Variants in OR52N1 observed in about 807,000 individuals in gnomAD.
OR52N1 encodes the protein olfactory receptor family 52 subfamily N member 1.
Under a neutral mutation model 13.9 loss-of-function variants are expected in OR52N1, and 11 were observed. The observed-to-expected ratio is 0.79, with a 90% CI of 0.50 to 1.31. OR52N1 has a LOEUF of 1.31. Among genes scored for constraint, OR52N1 ranks in the 40% most tolerant of loss-of-function variants. The pLI is 0.00. For missense variants in OR52N1, 414 were observed against 397.7 expected, an observed-to-expected ratio of 1.04 and a Z score of -0.35; for synonymous variants, 142 against 143.7, an observed-to-expected ratio of 0.99 and a Z score of 0.08.
chr11:5,787,753 A>C lies in OR52N1; in HGVS notation c.*101T>G. ...AGATGTAGAGTAATCCGAGTATCATAAAAATATTCCTGTGGCCAGATTTCT... is the reference window on the plus strand; with the variant it reads ...AGATGTAGAGTAATCCGAGTATCATCAAAATATTCCTGTGGCCAGATTTCT... On this transcript the variant is annotated 3_prime_UTR_variant, in exon 2 of 2. Coordinates refer to ENST00000641645, the MANE Select transcript of OR52N1 (RefSeq NM_001001913.2). 1 of 1,041,166 alleles carries C rather than the reference A, an allele frequency of 9.6e-7. No individual in the cohort carries two copies. Among genetic ancestry groups the C allele is most frequent in the Non-Finnish European group, 1.4e-6 (1 of 728,848 alleles). The allele number at this position is 1,041,166 out of a possible 1,614,324, so 64.5% of individuals were successfully genotyped here. A position where few individuals can be genotyped will look rare whatever the true frequency, so the allele number is the denominator to read the frequency against.
rs139204244 is a variant in OR52N1 at position 5,788,166 on chromosome 11, T to C, written c.651A>G (p.Thr217=). 788 of 1,613,912 alleles carry C rather than the reference T, an allele frequency of 4.9e-4. 4 individuals carry two copies. The African/African-American group carries it at 9.3e-3, about 19-fold the overall frequency. ...LIGGFDILCI[T]ISYTMILQAV... ...CTTGAAGAATCATAGTGTAGGAGAT[T>C]GTAATGCACAGGATATCAAAGCCCC... The change falls in exon 2 of 2, where the codon ACA becomes ACG. Residue 217 remains threonine (T), a synonymous_variant. Transcript: ENST00000641645.
Position 5,788,096 on chromosome 11 carries a change from T to A in OR52N1, c.721A>T (p.Ser241Cys). The change falls in exon 2 of 2, where the codon AGC becomes TGC. Residue 241 changes from serine (S) to cysteine (C), a missense_variant. Coordinates refer to ENST00000641645, the MANE Select transcript of OR52N1 (RefSeq NM_001001913.2). ...GCACAGAAGTGGGCAGTGCAGGTGC[T>A]GAAGGCCTTCTGTCGAGCATCTGCT... ...SSADARQKAFSTCTAHFCAIV... is the reference protein window; with the variant it reads ...SSADARQKAFCTCTAHFCAIV... 6.2e-7 allele frequency: 1 copy of A among 1,614,038 alleles called. No homozygotes were observed. The highest frequency in any genetic ancestry group is 8.5e-7 in the Non-Finnish European group (1 of 1,179,966).
At position 5,788,357 on chromosome 11, in the gene OR52N1, C is replaced by T. The variant is rs776042360; in HGVS notation, c.460G>A (p.Gly154Ser). 1 of 1,613,914 alleles carries T rather than the reference C, an allele frequency of 6.2e-7. No individual in the cohort carries two copies. Among genetic ancestry groups the T allele is most frequent in the South Asian group, 1.1e-5 (1 of 91,070 alleles). ...AKAGFLTFLR[G>S]VMLVIPSTFL... Reference sequence around the variant, plus strand: ...GTGGAAGGGATAACAAGCATCACACCCCTAAGAAAAGTGAGGAACCCAGCT... The same window carrying T: ...GTGGAAGGGATAACAAGCATCACACTCCTAAGAAAAGTGAGGAACCCAGCT... Residue 154 changes from glycine to serine, a missense_variant, in exon 2 of 2, where the codon GGT becomes AGT. Gly to Ser is a moderately conservative substitution (Grantham distance 56, BLOSUM62 0). Coordinates refer to ENST00000641645, the MANE Select transcript of OR52N1 (RefSeq NM_001001913.2).
Position 5,790,705 on chromosome 11 carries a change from A to T in OR52N1, c.-45+406T>A, listed in dbSNP as rs1854648580. 2.0e-5 allele frequency among the ~76,000 whole-genome samples: 3 copies of T among 152,072 alleles called. No individual in the cohort carries two copies. In the South Asian group the frequency reaches 6.2e-4, roughly 31 times the overall value. ...CTCACCCTAATGATCAGTGATGTTGAGCTTTTTCTCATATGATTGTTGGCC... is the reference window on the plus strand; with the variant it reads ...CTCACCCTAATGATCAGTGATGTTGTGCTTTTTCTCATATGATTGTTGGCC... On this transcript the variant is annotated intron_variant, in intron 1 of 1. Coordinates refer to ENST00000641645, the MANE Select transcript of OR52N1 (RefSeq NM_001001913.2).
chr11:5,789,989 T>G (rs531981685), intron 1 of OR52N1, among the ~76,000 whole-genome samples: 1 of 152,160 alleles, frequency 6.6e-6, no homozygotes, highest in African/African-American at 2.4e-5. Flanking sequence ...AGCCGGAATG[T>G]GTTGATTAAA....
intron 1 of OR52N1, 117 bp from the exon 2 acceptor site, chr11:5,788,977 T>C (rs1230832165): frequency 1.3e-6 from 1 of 749,728 alleles, no homozygotes; most frequent in East Asian, 2.7e-5. Context: ...TGTTCTATTA[T>C]GTTTAATATG....
At position 5,787,969 on chromosome 11, in the gene OR52N1, T is replaced by G; in HGVS notation, c.848A>C (p.Tyr283Ser). Residue 283 changes from tyrosine (Y) to serine (S), a missense_variant, in exon 2 of 2, where the codon TAC becomes TCC. Physicochemically the swap from Tyr to Ser is moderately radical, Grantham distance 144. Transcript: ENST00000641645. ...LHIHIIMANL[Y>S]LLMPPTMNPI... is the part of the protein sequence containing the mutation. ...GTTCATTGTGGGAGGCATTAGTAGG[T>G]AGAGATTAGCCATAATAATATGTAT... is the stretch of plus-strand genomic sequence containing the variant. The G allele has an allele frequency of 7.3e-7, 1 of 1,378,250 alleles. No homozygotes were observed. The highest frequency in any genetic ancestry group is 1.4e-5 in the South Asian group (1 of 70,324). The allele number at this position is 1,378,250 out of a possible 1,614,324, so 85.4% of individuals were successfully genotyped here. A position where few individuals can be genotyped will look rare whatever the true frequency, so the allele number is the denominator to read the frequency against.
Position 5,788,058 on chromosome 11 carries a change from G to A in OR52N1, c.759C>T (p.Thr253=), listed in dbSNP as rs35850861. 2 of 1,610,622 alleles carry A rather than the reference G, an allele frequency of 1.2e-6. No individual in the cohort carries two copies. The highest frequency in any genetic ancestry group is 1.7e-6 in the Non-Finnish European group (2 of 1,177,092). Residue 253 remains threonine, a synonymous_variant, in exon 2 of 2, where the codon ACC becomes ACT. Transcript: ENST00000641645. ...CTAHFCAIVL[T]YVPAFFTFFT... Reference sequence around the variant, plus strand: ...AGAAGGTAAAGAAGGCTGGAACATAGGTGAGGACTATGGCACAGAAGTGGG... The same window carrying A: ...AGAAGGTAAAGAAGGCTGGAACATAAGTGAGGACTATGGCACAGAAGTGGG...
At chr11:5,789,928 C>T (rs998423126) in intron 1 of OR52N1, among the ~76,000 whole-genome samples, 1 of 151,914 alleles carries the variant, frequency 6.6e-6, no homozygotes, top group Non-Finnish European at 1.5e-5. Flanking sequence ...AAGTTATGAC[C>T]ACAGAATAGA....
In OR52N1 at chr11:5,788,581, G is replaced by C; in HGVS notation, c.236C>G (p.Thr79Ser). The change falls in exon 2 of 2, where the codon ACC (threonine) becomes AGC (serine). Residue 79 changes from threonine (T) to serine (S), a missense_variant. Coordinates refer to ENST00000641645, the MANE Select transcript of OR52N1 (RefSeq NM_001001913.2). ...CAATATGAAGAGAGTGTTGGGAAGG[G>C]TGCTGGTGCACATGAGCACATCTGT... ...SFTDVLMCTS[T>S]LPNTLFILWF... The C allele has an allele frequency of 6.2e-7, 1 of 1,613,914 alleles. No individual in the cohort carries two copies.
rs1294636266 is a variant in OR52N1 at position 5,786,900 on chromosome 11, T to C, written c.*954A>G. On this transcript the variant is annotated 3_prime_UTR_variant, in exon 2 of 2. Transcript: ENST00000641645. ...AAGAAAGTATATATACTTTGTAAAC[T>C]ATAGACAGTTTTCATAGGAAGCAAG... 1 of 140,424 alleles carries C rather than the reference T, an allele frequency of 7.1e-6. No homozygotes were observed. The highest frequency in any genetic ancestry group is 2.1e-4 in the East Asian group (1 of 4,870). 8.7% of individuals were successfully genotyped at this position (140,424 alleles called of 1,614,324 possible).
chr11:5,788,039 T>C lies in OR52N1; in HGVS notation c.778A>G (p.Thr260Ala). 6.4e-7 allele frequency: 1 copy of C among 1,571,992 alleles called. No individual in the cohort carries two copies. The highest frequency in any genetic ancestry group is 8.7e-7 in the Non-Finnish European group (1 of 1,144,066). ...IVLTYVPAFF[T>A]FFTHHFGGHT... ...CCCCCAAAATGGTGTGTAAAGAAGGTAAAGAAGGCTGGAACATAGGTGAGG... is the reference window on the plus strand; with the variant it reads ...CCCCCAAAATGGTGTGTAAAGAAGGCAAAGAAGGCTGGAACATAGGTGAGG... Residue 260 changes from threonine (T) to alanine (A), a missense_variant, in exon 2 of 2, where the codon ACC (threonine) becomes GCC (alanine). Physicochemically the swap from Thr to Ala is moderately conservative, Grantham distance 58. Transcript: ENST00000641645.
Sources: allele counts gnomAD v4.1 joint callset (sites outside exome capture counted in the v4.1 genomes callset), GRCh38; gene constraint gnomAD v4.1.1; transcripts MANE v1.5; gene names NCBI Gene and HGNC (gene_info 2026-07-23, HGNC 2026-07-21).